CDH13: variants seen among roughly 807,000 people sequenced by gnomAD.
The protein encoded by CDH13 is cadherin 13.
A neutral mutation model predicts 63.8 loss-of-function variants in CDH13; 24 were observed. The ratio of observed to expected loss-of-function variants is 0.38; its 90% CI spans 0.27 to 0.53. CDH13 has a LOEUF of 0.53. Ranked by LOEUF, CDH13 falls within the 20% of genes least tolerant of loss-of-function variation. The pLI is 0.85. For missense variants in CDH13, 1,049 were observed against 903.1 expected (o/e 1.16, Z -2.07); for synonymous variants, 503 against 355.3 (o/e 1.42, Z -4.67).
intron 5 of CDH13, among the ~76,000 whole-genome samples, chr16:83,242,144 A>T (rs1392085972): frequency 1.3e-5 from 2 of 152,178 alleles, no homozygotes; most frequent in African/African-American, 4.8e-5. Flanking sequence ...CCATATACAT[A>T]AGGGTTTATT....
At chr16:83,486,234 C>G (rs917605271) in intron 6 of CDH13, among the ~76,000 whole-genome samples, 1 of 152,210 alleles carries the variant, frequency 6.6e-6, no homozygotes, top group African/African-American at 2.4e-5. Flanking sequence ...AAAAATTAAG[C>G]AGTCACTCTG....
intron 1 of CDH13, among the ~76,000 whole-genome samples, chr16:82,714,581 G>A (rs2032211314): frequency 6.6e-6 from 1 of 151,496 alleles, no homozygotes; most frequent in South Asian, 2.1e-4. Flanking sequence ...GGGTGTGTTG[G>A]CATACACCTG....
intron 5 of CDH13, among the ~76,000 whole-genome samples, chr16:83,343,401 A>T (rs1203816728): frequency 6.6e-6 from 1 of 152,216 alleles, no homozygotes; most frequent in African/African-American, 2.4e-5. Context: ...GTTCAGGCAG[A>T]TGCCAGTGTA....
intron 5 of CDH13, among the ~76,000 whole-genome samples, chr16:83,260,361 A>T (rs547591234): frequency 6.6e-6 from 1 of 152,266 alleles, no homozygotes; most frequent in East Asian, 1.9e-4. Context: ...GACAGGAATG[A>T]GTGGGGCTAG....
At chr16:82,820,862 C>CA (rs2037973134) in intron 1 of CDH13, among the ~76,000 whole-genome samples, 1 of 151,984 alleles carries the variant, frequency 6.6e-6, no homozygotes, top group Non-Finnish European at 1.5e-5. Flanking sequence ...CGTTTGACTG[C>CA]AAAAAATGTG....
chr16:83,310,207 A>C (rs748416490), intron 5 of CDH13, among the ~76,000 whole-genome samples: 6 of 152,224 alleles, frequency 3.9e-5, no homozygotes, highest in Non-Finnish European at 8.8e-5. Flanking sequence ...GTCATTTTGA[A>C]AGACTAGTTA....
intron 3 of CDH13, among the ~76,000 whole-genome samples, chr16:83,081,238 G>A (rs566201710): frequency 8.5e-5 from 13 of 152,136 alleles, no homozygotes; most frequent in Admixed American, 2.6e-4. Flanking sequence ...CCATTGAATC[G>A]TATTTATTGA....
chr16:83,250,633 G>C (rs1905411760), intron 5 of CDH13, among the ~76,000 whole-genome samples: 1 of 152,176 alleles, frequency 6.6e-6, no homozygotes, highest in African/African-American at 2.4e-5. Flanking sequence ...TCAAGAAATA[G>C]AGAGTTGGTC....
chr16:82,757,932 A>T (rs765669128), intron 1 of CDH13, among the ~76,000 whole-genome samples: 38 of 152,158 alleles, frequency 2.5e-4, no homozygotes, highest in Non-Finnish European at 4.7e-4. Context: ...TACAGGCGTG[A>T]GTCACCGCAC....
At chr16:83,598,971 T>A (rs114808136) in intron 7 of CDH13, among the ~76,000 whole-genome samples, 67 of 152,300 alleles carry the variant, frequency 4.4e-4, no homozygotes, top group African/African-American at 1.6e-3. Flanking sequence ...TATGTCCTCA[T>A]CGCATGATGA....
intron 10 of CDH13, chr16:83,721,758 T>G (rs932680526): frequency 2.0e-5 from 3 of 152,228 alleles, no homozygotes; most frequent in Admixed American, 6.5e-5. Flanking sequence ...AGGAAGAGAC[T>G]CCAGGGGCTC....
intron 8 of CDH13, among the ~76,000 whole-genome samples, chr16:83,649,091 T>C (rs1007749789): frequency 2.0e-5 from 3 of 152,222 alleles, no homozygotes; most frequent in African/African-American, 7.2e-5. Context: ...ATTCCTGTTT[T>C]CTACTTATGA....
At chr16:83,285,561 A>C (rs1010222104) in intron 5 of CDH13, among the ~76,000 whole-genome samples, 17 of 152,218 alleles carry the variant, frequency 1.1e-4, no homozygotes, top group African/African-American at 3.6e-4. Context: ...GCAATGTAAT[A>C]ACTATTTACA....
intron 5 of CDH13, among the ~76,000 whole-genome samples, chr16:83,317,471 C>T (rs1159487305): frequency 6.6e-6 from 1 of 152,064 alleles, no homozygotes; most frequent in Non-Finnish European, 1.5e-5. Context: ...TTGGGCTTTC[C>T]ATCCTGGAAT....
intron 3 of CDH13, among the ~76,000 whole-genome samples, chr16:83,097,452 C>G (rs1041794839): frequency 1.3e-5 from 2 of 152,172 alleles, no homozygotes; most frequent in African/African-American, 4.8e-5. Flanking sequence ...AATCAGTGTG[C>G]ATATGATCAA....
At chr16:83,410,957 CTT>C (rs2151456623) in intron 6 of CDH13, among the ~76,000 whole-genome samples, 1 of 152,310 alleles carries the variant, frequency 6.6e-6, no homozygotes, top group East Asian at 1.9e-4. Flanking sequence ...TGCTTCCAGT[CTT>C]TGCCGAAATA....
intron 2 of CDH13, among the ~76,000 whole-genome samples, chr16:82,933,717 T>A (rs1475047447): frequency 1.3e-5 from 2 of 152,232 alleles, no homozygotes; most frequent in East Asian, 3.9e-4. Flanking sequence ...ATACAGGCAT[T>A]GGGTAAATAT....
At chr16:83,531,013 T>C (rs796534307) in intron 7 of CDH13, among the ~76,000 whole-genome samples, 4 of 152,354 alleles carry the variant, frequency 2.6e-5, no homozygotes, top group African/African-American at 9.6e-5. Flanking sequence ...GGGGGAATGC[T>C]GGCAGTGTGT....
At chr16:83,276,267 C>G (rs1036902477) in intron 5 of CDH13, among the ~76,000 whole-genome samples, 2 of 152,162 alleles carry the variant, frequency 1.3e-5, no homozygotes, top group Non-Finnish European at 2.9e-5. Flanking sequence ...CTAGCCCTAT[C>G]CATTAGGAGC....
Sources: gnomAD v4.1 joint callset for allele counts (sites outside exome capture counted in the v4.1 genomes callset) on GRCh38, gnomAD v4.1.1 for gene constraint, MANE v1.5 for transcripts, NCBI Gene and HGNC (gene_info 2026-07-23, HGNC 2026-07-21) for gene names.